Variants in MLLT3 observed in about 807,000 individuals in gnomAD.
MLLT3 encodes the protein protein AF-9.
In MLLT3, 4 loss-of-function variants were observed where a neutral mutation model predicts 53.2. The ratio of observed to expected loss-of-function variants is 0.08; its 90% CI spans 0.04 to 0.17. MLLT3 has a LOEUF of 0.17. Among genes scored for constraint, MLLT3 ranks in the 10% least tolerant of loss-of-function variants. MLLT3 has a pLI of 1.00. For missense variants in MLLT3, 569 were observed against 684.0 expected, an observed-to-expected ratio of 0.83 and a Z score of 1.87; for synonymous variants, 283 against 230.6, an observed-to-expected ratio of 1.23 and a Z score of -2.06.
chr9:20,485,685 C>A (rs1349016194), intron 2 of MLLT3, among the ~76,000 whole-genome samples: 1 of 152,106 alleles, frequency 6.6e-6, no homozygotes, highest in African/African-American at 2.4e-5. Flanking sequence ...AAAATCACTA[C>A]ATTTTCTGCT....
At chr9:20,432,803 A>G (rs1823308904) in intron 4 of MLLT3, among the ~76,000 whole-genome samples, 4 of 152,098 alleles carry the variant, frequency 2.6e-5, no homozygotes, top group Admixed American at 2.6e-4. Context: ...TTCACAAAAA[A>G]CTATTTCCCT....
At chr9:20,619,313 G>C (rs912336094) in intron 2 of MLLT3, among the ~76,000 whole-genome samples, 14 of 152,134 alleles carry the variant, frequency 9.2e-5, no homozygotes, top group Admixed American at 4.6e-4. Flanking sequence ...AACCGTTCAA[G>C]TTTTCAGGAG....
chr9:20,604,237 G>A (rs937214274), intron 2 of MLLT3, among the ~76,000 whole-genome samples: 8 of 152,088 alleles, frequency 5.3e-5, no homozygotes, highest in African/African-American at 1.9e-4. Flanking sequence ...AATTCCAGGA[G>A]TACATGGTAT....
chr9:20,407,474 A>G (rs1236917850), intron 5 of MLLT3, among the ~76,000 whole-genome samples: 1 of 152,224 alleles, frequency 6.6e-6, no homozygotes, highest in Non-Finnish European at 1.5e-5. Flanking sequence ...CACCTCCTGA[A>G]GGCCACTGGT....
chr9:20,461,710 G>T (rs181775154), intron 2 of MLLT3, among the ~76,000 whole-genome samples: 9 of 151,968 alleles, frequency 5.9e-5, no homozygotes, highest in Non-Finnish European at 1.3e-4. Flanking sequence ...GTTTTTTCCC[G>T]AAACCTCAGG....
chr9:20,418,328 T>A (rs1178447703), intron 4 of MLLT3: 1 of 152,224 alleles, frequency 6.6e-6, no homozygotes, highest in Non-Finnish European at 1.5e-5. Context: ...AATAGCTTTG[T>A]GCAGTGGCAG....
chr9:20,342,280 T>G lies in MLLT3; in HGVS notation c.*4163A>C, dbSNP rs1820753615. On this transcript the variant is annotated 3_prime_UTR_variant, in exon 11 of 11. Coordinates refer to ENST00000380338, the MANE Select transcript of MLLT3 (RefSeq NM_004529.4). ...TGTACTTACATTTCAACATGGATTT[T>G]AGAGAAGGGAAATACATCTTACAGT... The G allele has an allele frequency of 8.9e-6, 2 of 223,490 alleles. No individual in the cohort carries two copies. Among genetic ancestry groups the G allele is most frequent in the African/African-American group, 4.5e-5 (2 of 44,848 alleles). The allele number at this position is 223,490 out of a possible 1,614,324, so 13.8% of individuals were successfully genotyped here. A position where few individuals can be genotyped will look rare whatever the true frequency, so the allele number is the denominator to read the frequency against.
chr9:20,586,623 T>A (rs1362745909), intron 2 of MLLT3, among the ~76,000 whole-genome samples: 1 of 151,386 alleles, frequency 6.6e-6, no homozygotes, highest in East Asian at 1.9e-4. Flanking sequence ...GGCAAATTAT[T>A]CAAACTATGG....
chr9:20,501,382 G>T (rs183382150), intron 2 of MLLT3, among the ~76,000 whole-genome samples: 6 of 152,252 alleles, frequency 3.9e-5, no homozygotes, highest in Admixed American at 3.9e-4. Flanking sequence ...TAACTATGAA[G>T]ACAAATTTAC....
chr9:20,461,041 C>T (rs745756747), intron 2 of MLLT3, among the ~76,000 whole-genome samples: 1 of 152,260 alleles, frequency 6.6e-6, no homozygotes, highest in South Asian at 2.1e-4. Context: ...TCTCCATCCA[C>T]ACATTACTAC....
chr9:20,459,201 A>C (rs1365848104), intron 2 of MLLT3, among the ~76,000 whole-genome samples: 2 of 152,212 alleles, frequency 1.3e-5, no homozygotes, highest in Non-Finnish European at 2.9e-5. Flanking sequence ...ACAAAAAGGT[A>C]AACTGAAGCC....
intron 2 of MLLT3, among the ~76,000 whole-genome samples, chr9:20,467,328 C>T (rs1412596510): frequency 6.6e-6 from 1 of 152,060 alleles, no homozygotes; most frequent in African/African-American, 2.4e-5. Context: ...GCCTGTAATC[C>T]CAGCACTTTG....
At chr9:20,481,851 A>G (rs923905400) in intron 2 of MLLT3, among the ~76,000 whole-genome samples, 1 of 152,216 alleles carries the variant, frequency 6.6e-6, no homozygotes, top group Non-Finnish European at 1.5e-5. Flanking sequence ...AAAAAAGTCA[A>G]CTAGAAGAGG....
intron 2 of MLLT3, among the ~76,000 whole-genome samples, chr9:20,591,755 CA>C (rs996526571): frequency 6.6e-6 from 1 of 151,626 alleles, no homozygotes; most frequent in Non-Finnish European, 1.5e-5. Context: ...GAATGTGTAT[CA>C]AAAAAAAGTT....
chr9:20,588,933 C>T (rs1190163681), intron 2 of MLLT3, among the ~76,000 whole-genome samples: 1 of 151,198 alleles, frequency 6.6e-6, no homozygotes, highest in Non-Finnish European at 1.5e-5. Flanking sequence ...AGTCAGGAAA[C>T]AACAGGTGCT....
rs148271797 is a variant in MLLT3, at chr9:20,412,908, T to G, written c.1125+813A>C. 3.8e-3 allele frequency among the ~76,000 whole-genome samples: 582 copies of G among 152,288 alleles called. 7 individuals carry two copies. The highest frequency in any genetic ancestry group is 0.013 in the African/African-American group (555 of 41,544). ...TTACTACAGAGGTTAAAATAGATAATCTGAAAATCCCTTCCACTGCTGAAA... is the reference window on the plus strand; with the variant it reads ...TTACTACAGAGGTTAAAATAGATAAGCTGAAAATCCCTTCCACTGCTGAAA... On this transcript the variant is annotated intron_variant, in intron 5 of 10. Coordinates refer to ENST00000380338, the MANE Select transcript of MLLT3 (RefSeq NM_004529.4).
intron 4 of MLLT3, among the ~76,000 whole-genome samples, chr9:20,416,365 C>T (rs571940547): frequency 6.6e-6 from 1 of 151,904 alleles, no homozygotes; most frequent in South Asian, 2.1e-4. Context: ...TAAAAGCATA[C>T]AATTTTTAAC....
At chr9:20,529,823 G>C (rs1818287090) in intron 2 of MLLT3, among the ~76,000 whole-genome samples, 1 of 147,788 alleles carries the variant, frequency 6.8e-6, no homozygotes, top group Admixed American at 7.0e-5. Context: ...CCCTGCCTTG[G>C]CCTCCCAAAG....
intron 2 of MLLT3, among the ~76,000 whole-genome samples, chr9:20,527,990 T>C (rs1336675806): frequency 6.6e-6 from 1 of 152,380 alleles, no homozygotes; most frequent in East Asian, 1.9e-4. Flanking sequence ...TGAGAGATTA[T>C]CTATTCCCAG....
Sources: gnomAD v4.1 joint callset for allele counts (sites outside exome capture counted in the v4.1 genomes callset) on GRCh38, gnomAD v4.1.1 for gene constraint, MANE v1.5 for transcripts, NCBI Gene and HGNC (gene_info 2026-07-23, HGNC 2026-07-21) for gene names.